NCR1: variants seen among roughly 807,000 people sequenced by gnomAD.
The protein encoded by NCR1 is natural cytotoxicity triggering receptor 1.
Under a neutral mutation model 32.5 loss-of-function variants are expected in NCR1, and 30 were observed. The observed-to-expected ratio is 0.92, with a 90% confidence interval of 0.69 to 1.25. NCR1 has a LOEUF of 1.25. Among genes scored for constraint, NCR1 ranks in the 50% most tolerant of loss-of-function variants. NCR1 has a pLI of 0.00. For synonymous variants in NCR1, 169 were observed against 143.4 expected, an observed-to-expected ratio of 1.18 and a Z score of -1.28; for missense variants, 369 against 380.7, an observed-to-expected ratio of 0.97 and a Z score of 0.26.
At chr19:54,934,494 C>T in the NCR1 span, 1 of 1,614,156 alleles carries the variant, frequency 6.2e-7, no homozygotes, top group Non-Finnish European at 8.5e-7. This position sits in a 1 kb window ranked among gnomAD's most constrained non-coding sequence, Gnocchi z 6.7. Context: ...CTTACGACAA[C>T]ATCTGCAGGA....
chr19:54,904,509 A>G (rs1295758102), upstream of NCR1, among the ~76,000 whole-genome samples: 9 of 146,414 alleles, frequency 6.1e-5, no homozygotes. Context: ...AAGTGAGAAC[A>G]TGTGGTATTT....
At chr19:54,901,633 G>A (rs2067304164), upstream of NCR1, among the ~76,000 whole-genome samples, 1 of 152,096 alleles carries the variant, frequency 6.6e-6, no homozygotes, top group Non-Finnish European at 1.5e-5. Flanking sequence ...AAGGATGCTA[G>A]TGGAAAAACT....
the NCR1 span, among the ~76,000 whole-genome samples, chr19:54,931,148 G>T: frequency 6.6e-6 from 1 of 152,330 alleles, no homozygotes; most frequent in African/African-American, 2.4e-5. Context: ...AATGGGCCGG[G>T]CACAGTGGCT....
chr19:54,936,163 G>A, the NCR1 span: 5 of 1,039,714 alleles, frequency 4.8e-6, no homozygotes, highest in South Asian at 6.6e-5. Flanking sequence ...TCCCTGTCTG[G>A]GACGGCATCT....
chr19:54,899,410 A>G, the NCR1 span, among the ~76,000 whole-genome samples: 1 of 152,184 alleles, frequency 6.6e-6, no homozygotes, highest in African/African-American at 2.4e-5. Flanking sequence ...AGGCAAGCAC[A>G]GAGAAAAGAG....
the NCR1 span, chr19:54,930,641 G>C: frequency 6.2e-7 from 1 of 1,613,550 alleles, no homozygotes; most frequent in Admixed American, 1.7e-5. Context: ...CTACAGCCAA[G>C]CTTGGTTATG....
At chr19:54,923,671 G>T in the NCR1 span, 1 of 1,545,112 alleles carries the variant, frequency 6.5e-7, no homozygotes, top group South Asian at 1.1e-5. Context: ...CCTCTGACCT[G>T]CATTCATAAG....
chr19:54,907,471 A>AAG (rs1244833237), intron 3 of NCR1, among the ~76,000 whole-genome samples: 1 of 116,802 alleles, frequency 8.6e-6, no homozygotes, highest in Non-Finnish European at 1.8e-5. Context: ...TTTCTAAAAA[A>AAG]AAAAAAAAAT....
upstream of NCR1, among the ~76,000 whole-genome samples, chr19:54,904,610 G>A (rs964665241): frequency 6.9e-6 from 1 of 145,782 alleles, no homozygotes; most frequent in Admixed American, 7.1e-5. Flanking sequence ...TCGGCTCACT[G>A]CAACCTTCAC....
the NCR1 span, chr19:54,938,127 C>T: frequency 6.2e-7 from 1 of 1,614,080 alleles, no homozygotes; most frequent in Non-Finnish European, 8.5e-7. Flanking sequence ...AGCTTTGTTT[C>T]ACTTCCAGAA....
intron 2 of NCR1, 83 bp downstream of exon 2, chr19:54,906,417 G>C: frequency 1.9e-6 from 3 of 1,602,038 alleles, no homozygotes; most frequent in Non-Finnish European, 2.5e-6. Context: ...GGGGTGAGGG[G>C]ACAGGGTGCT....
chr19:54,904,531 CTT>C (rs1556717280), upstream of NCR1, among the ~76,000 whole-genome samples: 14 of 118,972 alleles, frequency 1.2e-4, no homozygotes, highest in Non-Finnish European at 1.2e-4. Context: ...GTTTTCTTTT[CTT>C]TTTTTTTTTT....
the NCR1 span, among the ~76,000 whole-genome samples, chr19:54,928,919 CA>C: frequency 6.6e-6 from 1 of 152,018 alleles, no homozygotes; most frequent in Non-Finnish European, 1.5e-5. Context: ...TCTCCTGCCC[CA>C]GCCTCCCGAG....
upstream of NCR1, among the ~76,000 whole-genome samples, chr19:54,903,584 A>G (rs992845572): frequency 1.3e-5 from 2 of 149,342 alleles, no homozygotes; most frequent in African/African-American, 2.5e-5. Flanking sequence ...ATATACGCAT[A>G]TACATGTATG....
chr19:54,935,470 C>T, the NCR1 span, among the ~76,000 whole-genome samples: 242 of 152,130 alleles, frequency 1.6e-3, 1 homozygote, highest in African/African-American at 5.6e-3. Context: ...CCGAGACAGG[C>T]GGATCACTTG....
chr19:54,905,732 A>T (rs764271850), upstream of NCR1, among the ~76,000 whole-genome samples: 1 of 152,118 alleles, frequency 6.6e-6, no homozygotes, highest in African/African-American at 2.4e-5. Context: ...CTCGGGGGGA[A>T]CTGGGTTTTC....
chr19:54,903,437 TAC>T (rs1491059195), upstream of NCR1, among the ~76,000 whole-genome samples: 11 of 132,392 alleles, frequency 8.3e-5, no homozygotes, highest in South Asian at 4.9e-4. Flanking sequence ...TATACACGCA[TAC>T]ATGTATGTAT....
At chr19:54,925,199 G>A in the NCR1 span, among the ~76,000 whole-genome samples, 3 of 152,094 alleles carry the variant, frequency 2.0e-5, no homozygotes, top group East Asian at 1.9e-4. Flanking sequence ...AAAGAAATAC[G>A]CCCCAAACAT....
the NCR1 span, among the ~76,000 whole-genome samples, chr19:54,929,352 G>A: frequency 3.9e-5 from 6 of 151,910 alleles, no homozygotes; most frequent in South Asian, 2.1e-4. Flanking sequence ...GTGACAAAGC[G>A]AGACTCTGTC....
Sources: allele counts gnomAD v4.1 joint callset (sites outside exome capture counted in the v4.1 genomes callset), GRCh38; gene constraint gnomAD v4.1.1; non-coding constraint Gnocchi (gnomAD v3.1); transcripts MANE v1.5; gene names NCBI Gene and HGNC (gene_info 2026-07-23, HGNC 2026-07-21).